FIRRM: variants seen among roughly 807,000 people sequenced by gnomAD.
The protein encoded by FIRRM is FIGNL1 interacting regulator of recombination and mitosis.
At chr1:169,830,419 C>A in the FIRRM span, 1 of 1,278,896 alleles carries the variant, frequency 7.8e-7, no homozygotes, top group Non-Finnish European at 1.1e-6. Flanking sequence ...TAATTGTAAG[C>A]TTATAGAAAA....
At chr1:169,813,310 G>A in the FIRRM span, among the ~76,000 whole-genome samples, 2 of 152,182 alleles carry the variant, frequency 1.3e-5, no homozygotes, top group African/African-American at 4.8e-5. Flanking sequence ...ACTTTCCCCA[G>A]ATCATATAGT....
At chr1:169,801,619 A>C in the FIRRM span, among the ~76,000 whole-genome samples, 1 of 141,470 alleles carries the variant, frequency 7.1e-6, no homozygotes, top group Non-Finnish European at 1.5e-5. Context: ...AAAAAAAAAG[A>C]AAAGCTGGAA....
the FIRRM span, among the ~76,000 whole-genome samples, chr1:169,839,287 A>C: frequency 4.6e-5 from 7 of 152,178 alleles, no homozygotes; most frequent in Non-Finnish European, 1.0e-4. Flanking sequence ...ATATGTACCC[A>C]GTAATGAGAT....
chr1:169,798,278 C>T, the FIRRM span, among the ~76,000 whole-genome samples: 2 of 141,770 alleles, frequency 1.4e-5, no homozygotes, highest in Admixed American at 7.0e-5. Flanking sequence ...GACCGTCTCT[C>T]TTTTTTTTTT....
the FIRRM span, chr1:169,806,140 C>A: frequency 1.9e-6 from 2 of 1,027,794 alleles, no homozygotes; most frequent in Non-Finnish European, 2.9e-6. Flanking sequence ...CCATATTCCC[C>A]AATCTTAATT....
chr1:169,818,769 C>T, the FIRRM span, among the ~76,000 whole-genome samples: 7 of 152,192 alleles, frequency 4.6e-5, no homozygotes. Flanking sequence ...TCACTGCAAC[C>T]TCCGCTTCCT....
chr1:169,835,348 C>A, the FIRRM span, among the ~76,000 whole-genome samples: 1 of 152,060 alleles, frequency 6.6e-6, no homozygotes, highest in Non-Finnish European at 1.5e-5. Flanking sequence ...CACATTATTT[C>A]TTTTAGTATG....
the FIRRM span, among the ~76,000 whole-genome samples, chr1:169,822,507 T>C: frequency 6.6e-6 from 1 of 152,180 alleles, no homozygotes; most frequent in Non-Finnish European, 1.5e-5. Flanking sequence ...TTTCTATTTA[T>C]TAATTTTTTT....
chr1:169,851,620 C>G, the FIRRM span: 1 of 655,574 alleles, frequency 1.5e-6, no homozygotes, highest in Non-Finnish European at 2.5e-6. Context: ...AACTCTATAA[C>G]TAACTATTTT....
the FIRRM span, among the ~76,000 whole-genome samples, chr1:169,808,461 G>A: frequency 2.6e-5 from 4 of 151,986 alleles, no homozygotes; most frequent in Admixed American, 6.6e-5. Context: ...TTTGTAGTAC[G>A]ATTATTGGGA....
the FIRRM span, among the ~76,000 whole-genome samples, chr1:169,822,873 GAC>G: frequency 1.3e-5 from 2 of 152,146 alleles, no homozygotes; most frequent in East Asian, 1.9e-4. Flanking sequence ...TTAAAATTAT[GAC>G]ACAGTTTTTA....
the FIRRM span, chr1:169,852,694 A>G: frequency 8.0e-7 from 1 of 1,250,710 alleles, no homozygotes; most frequent in East Asian, 2.3e-5. Flanking sequence ...TCCAATGACT[A>G]GAATAAAATT....
At chr1:169,792,476 C>A in the FIRRM span, 96,105 of 1,118,698 alleles carry the variant, frequency 0.086, 4,609 homozygotes, top group Non-Finnish European at 0.097. Flanking sequence ...ACTAAACAAA[C>A]AACATCAAAA....
At chr1:169,853,305 AT>A in the FIRRM span, 91 of 340,538 alleles carry the variant, frequency 2.7e-4, no homozygotes, top group East Asian at 3.0e-3. Context: ...TATAGCTAAA[AT>A]TTTTTAAAGT....
the FIRRM span, among the ~76,000 whole-genome samples, chr1:169,843,103 G>A: frequency 6.6e-6 from 1 of 152,226 alleles, no homozygotes; most frequent in Non-Finnish European, 1.5e-5. Flanking sequence ...GCCTCTGGCA[G>A]CTAGAGGAAG....
the FIRRM span, among the ~76,000 whole-genome samples, chr1:169,848,299 G>A: frequency 6.6e-6 from 1 of 152,092 alleles, no homozygotes; most frequent in Non-Finnish European, 1.5e-5. Flanking sequence ...TAAAACCTCA[G>A]TAAATGTATA....
the FIRRM span, chr1:169,832,578 C>CTT: frequency 2.9e-6 from 3 of 1,019,776 alleles, no homozygotes; most frequent in Non-Finnish European, 3.0e-6. Flanking sequence ...CTTTGATAGC[C>CTT]TTTTTTTTTC....
At chr1:169,827,831 C>T in the FIRRM span, 10 of 1,613,630 alleles carry the variant, frequency 6.2e-6, no homozygotes, top group East Asian at 2.2e-5. Flanking sequence ...GTCTCAGAAA[C>T]GACAACCAGG....
chr1:169,847,842 A>T, the FIRRM span: 3 of 1,381,166 alleles, frequency 2.2e-6, no homozygotes, highest in Non-Finnish European at 3.1e-6. Context: ...TATTAAAACA[A>T]AATCTCTATA....
Sources: gnomAD v4.1 joint callset for allele counts (sites outside exome capture counted in the v4.1 genomes callset) on GRCh38, gnomAD v4.1.1 for gene constraint, MANE v1.5 for transcripts, NCBI Gene and HGNC (gene_info 2026-07-23, HGNC 2026-07-21) for gene names.